The following CNTN4 variants were observed in gnomAD, a reference collection of about 807,000 sequenced individuals.
CNTN4 encodes contactin 4.
CNTN4 carries 77 observed loss-of-function variants against 122.5 expected under a neutral mutation model. That is an observed-to-expected ratio of 0.63 (90% confidence interval 0.52 to 0.76). CNTN4 has a LOEUF of 0.76. CNTN4 is among the 30% of genes least tolerant of loss of function. The pLI, the probability that CNTN4 is intolerant of heterozygous loss-of-function variation, is 0.00. For synonymous variants in CNTN4, 512 were observed against 447.0 expected, an observed-to-expected ratio of 1.15 and a Z score of -1.83; for missense variants, 1,256 against 1,259.1, an observed-to-expected ratio of 1.00 and a Z score of 0.04.
chr3:2,927,083 G>C (rs2094479860), intron 13 of CNTN4, among the ~76,000 whole-genome samples: 1 of 152,096 alleles, frequency 6.6e-6, no homozygotes, highest in African/African-American at 2.4e-5. Context: ...TGTACCACAT[G>C]TATTTCTCAG....
At chr3:2,429,674 C>T (rs1054472318) in intron 3 of CNTN4, among the ~76,000 whole-genome samples, 5 of 152,154 alleles carry the variant, frequency 3.3e-5, no homozygotes, top group South Asian at 2.1e-4. Context: ...TGCCATGCCC[C>T]GAAGAGTTGG....
intron 6 of CNTN4, among the ~76,000 whole-genome samples, chr3:2,760,514 C>T (rs1428103020): frequency 6.6e-6 from 1 of 152,118 alleles, no homozygotes; most frequent in East Asian, 1.9e-4. Context: ...GGGTTTATTT[C>T]AGGGCCCTCA....
chr3:2,418,844 C>T (rs1173822403), intron 3 of CNTN4, among the ~76,000 whole-genome samples: 3 of 152,072 alleles, frequency 2.0e-5, no homozygotes, highest in Non-Finnish European at 2.9e-5. Flanking sequence ...ATTTACAGTT[C>T]ATGATATTTG....
chr3:2,896,489 C>G (rs1457753592), intron 10 of CNTN4, among the ~76,000 whole-genome samples: 1 of 152,100 alleles, frequency 6.6e-6, no homozygotes, highest in Admixed American at 6.5e-5. Context: ...GGACCTTGCC[C>G]TGAAATCCAA....
chr3:2,448,719 C>T (rs2048717381), intron 3 of CNTN4, among the ~76,000 whole-genome samples: 1 of 152,128 alleles, frequency 6.6e-6, no homozygotes, highest in Non-Finnish European at 1.5e-5. Context: ...TTACTGAGTA[C>T]AGGACAATAT....
intron 2 of CNTN4, among the ~76,000 whole-genome samples, chr3:2,290,787 A>T (rs189217893): frequency 2.6e-5 from 4 of 152,326 alleles, no homozygotes; most frequent in African/African-American, 9.6e-5. Context: ...AACTAGAGAT[A>T]ACCATTAAAA....
At chr3:2,125,356 G>GTGTGTA (rs2034076843) in intron 2 of CNTN4, among the ~76,000 whole-genome samples, 2 of 151,534 alleles carry the variant, frequency 1.3e-5, no homozygotes, top group Non-Finnish European at 2.9e-5. Flanking sequence ...GTGTGTGTGT[G>GTGTGTA]TGTGTGTGTA....
chr3:2,317,277 A>T (rs373869460), intron 2 of CNTN4, among the ~76,000 whole-genome samples: 11 of 152,314 alleles, frequency 7.2e-5, no homozygotes, highest in African/African-American at 2.6e-4. Context: ...CTTGTTTGTG[A>T]TGGAGTTGGG....
At chr3:2,420,721 C>T (rs1179788408) in intron 3 of CNTN4, among the ~76,000 whole-genome samples, 1 of 152,088 alleles carries the variant, frequency 6.6e-6, no homozygotes, top group Non-Finnish European at 1.5e-5. Context: ...TGTGGGCCAC[C>T]GCGCCTGGCC....
chr3:3,050,941 A>G (rs1701206446), intron 23 of CNTN4, among the ~76,000 whole-genome samples: 1 of 152,160 alleles, frequency 6.6e-6, no homozygotes, highest in Non-Finnish European at 1.5e-5. Flanking sequence ...CCACATAAGC[A>G]TTTAGAACAA....
intron 3 of CNTN4, among the ~76,000 whole-genome samples, chr3:2,539,217 C>T (rs1466051262): frequency 6.6e-6 from 1 of 152,010 alleles, no homozygotes; most frequent in African/African-American, 2.4e-5. Context: ...TAGCATAAAC[C>T]AGCAGTATAC....
intron 7 of CNTN4, among the ~76,000 whole-genome samples, chr3:2,840,473 GGC>G (rs2093333396): frequency 6.8e-6 from 1 of 147,988 alleles, no homozygotes; most frequent in African/African-American, 2.5e-5. Context: ...GGCCGAGGCG[GGC>G]GGATCACGAG....
chr3:2,302,069 T>G (rs2042546429), intron 2 of CNTN4, among the ~76,000 whole-genome samples: 1 of 152,228 alleles, frequency 6.6e-6, no homozygotes, highest in East Asian at 1.9e-4. Flanking sequence ...CCATTTATAT[T>G]TTTTTGTGGC....
chr3:2,971,090 G>A (rs1247187569), intron 13 of CNTN4, among the ~76,000 whole-genome samples: 1 of 152,124 alleles, frequency 6.6e-6, no homozygotes, highest in Non-Finnish European at 1.5e-5. Context: ...CCCAGCCTAC[G>A]CTGTATTCTT....
At chr3:2,169,616 C>G (rs1263515616) in intron 2 of CNTN4, among the ~76,000 whole-genome samples, 1 of 151,906 alleles carries the variant, frequency 6.6e-6, no homozygotes, top group East Asian at 2.0e-4. Context: ...CCAGGATGGT[C>G]TCGATCTCCT....
rs775782563 is a variant in CNTN4 at position 3,056,501 on chromosome 3, T to A, written c.*281T>A. On this transcript the variant is annotated 3_prime_UTR_variant, in exon 25 of 25. Coordinates refer to ENST00000418658, the MANE Select transcript of CNTN4 (RefSeq NM_175607.3). Reference sequence around the variant, plus strand: ...GTCCTTATATGCATATTTTTTATTATATATTTAGTGTTTTATAGAATTTTT... The same window carrying A: ...GTCCTTATATGCATATTTTTTATTAAATATTTAGTGTTTTATAGAATTTTT... The A allele has an allele frequency of 1.7e-4, 35 of 207,124 alleles. No individual in the cohort carries two copies. The highest frequency in any genetic ancestry group is 3.0e-4 in the Non-Finnish European group (31 of 102,394). The allele number at this position is 207,124 out of a possible 1,614,324, so 12.8% of individuals were successfully genotyped here.
chr3:2,555,523 C>G (rs1003472960), intron 3 of CNTN4, among the ~76,000 whole-genome samples: 1 of 152,058 alleles, frequency 6.6e-6, no homozygotes, highest in African/African-American at 2.4e-5. Context: ...AAGAGAAATC[C>G]TGAATGCTGT....
intron 2 of CNTN4, among the ~76,000 whole-genome samples, chr3:2,156,154 A>AAAAG (rs2035707803): frequency 6.6e-6 from 1 of 152,226 alleles, no homozygotes; most frequent in South Asian, 2.1e-4. Flanking sequence ...TCTTTGAGGG[A>AAAAG]AAAGAAATGA....
chr3:2,612,281 CATA>C (rs1427290537), intron 4 of CNTN4, among the ~76,000 whole-genome samples: 2 of 152,072 alleles, frequency 1.3e-5, no homozygotes, highest in Non-Finnish European at 2.9e-5. Context: ...CTAACTTAAA[CATA>C]ATGAGATCAC....
Sources: allele counts gnomAD v4.1 joint callset (sites outside exome capture counted in the v4.1 genomes callset), GRCh38; gene constraint gnomAD v4.1.1; transcripts MANE v1.5; gene names NCBI Gene and HGNC (gene_info 2026-07-23, HGNC 2026-07-21).